The following ELOVL6 variants were observed in gnomAD, a reference collection of about 807,000 sequenced individuals.
ELOVL6 encodes the protein very long chain fatty acid elongase 6.
Under a neutral mutation model 31.7 loss-of-function variants are expected in ELOVL6, and 8 were observed. The ratio of observed to expected loss-of-function variants is 0.25; its 90% CI spans 0.15 to 0.45. The LOEUF (loss-of-function observed/expected upper bound fraction) is 0.45. ELOVL6 is among the 20% of genes least tolerant of loss of function. The pLI is 1.00. For synonymous variants in ELOVL6, 101 were observed against 117.7 expected (o/e 0.86, Z 0.92); for missense variants, 126 against 326.4 (o/e 0.39, Z 4.73).
At chr4:110,084,259 AGCT>A (rs1756092607) in intron 2 of ELOVL6, among the ~76,000 whole-genome samples, 1 of 128,218 alleles carries the variant, frequency 7.8e-6, no homozygotes, top group Non-Finnish European at 1.6e-5. Context: ...TATAACATAT[AGCT>A]TATATGTGAT....
At chr4:110,058,830 C>G (rs1046691291) in intron 3 of ELOVL6, among the ~76,000 whole-genome samples, 2 of 152,132 alleles carry the variant, frequency 1.3e-5, no homozygotes, top group Non-Finnish European at 2.9e-5. Context: ...CAGTTTGTAC[C>G]TGTACAATCT....
intron 1 of ELOVL6, among the ~76,000 whole-genome samples, chr4:110,137,893 T>A (rs79366794): frequency 6.6e-6 from 1 of 152,366 alleles, no homozygotes; most frequent in East Asian, 1.9e-4. Context: ...CTGTATCTCA[T>A]GTAGCACCTA....
intron 2 of ELOVL6, among the ~76,000 whole-genome samples, chr4:110,092,687 C>T (rs28482111): frequency 0.012 from 1,781 of 152,184 alleles, 28 homozygotes; most frequent in African/African-American, 0.036. Context: ...TATTTATGGA[C>T]GTCAGCATCA....
chr4:110,080,980 C>T (rs1755825760), intron 2 of ELOVL6, among the ~76,000 whole-genome samples: 1 of 152,072 alleles, frequency 6.6e-6, no homozygotes, highest in African/African-American at 2.4e-5. Flanking sequence ...CATGAGTGAA[C>T]TCCCATTCAC....
At chr4:110,092,396 G>A (rs1016036650) in intron 2 of ELOVL6, among the ~76,000 whole-genome samples, 7 of 152,148 alleles carry the variant, frequency 4.6e-5, no homozygotes, top group Non-Finnish European at 1.0e-4. Context: ...TTTATATGTA[G>A]GAAAATGATT....
chr4:110,190,806 CT>C (rs201577240), intron 1 of ELOVL6, among the ~76,000 whole-genome samples: 78 of 142,114 alleles, frequency 5.5e-4, no homozygotes, highest in Middle Eastern at 3.9e-3. Context: ...TGCCCGGCCA[CT>C]TTTTTTTTTT....
intron 1 of ELOVL6, among the ~76,000 whole-genome samples, chr4:110,171,191 G>A (rs1008573297): frequency 2.6e-5 from 4 of 152,116 alleles, no homozygotes; most frequent in Non-Finnish European, 4.4e-5. Context: ...GCAGATCACC[G>A]GAGGTCAGTT....
At chr4:110,114,195 A>G (rs1262429933) in intron 1 of ELOVL6, among the ~76,000 whole-genome samples, 4 of 152,242 alleles carry the variant, frequency 2.6e-5, no homozygotes, top group African/African-American at 7.2e-5. Flanking sequence ...TCACCAAGCT[A>G]AACTTTATCT....
At chr4:110,099,292 A>G (rs1490463310) in intron 2 of ELOVL6, among the ~76,000 whole-genome samples, 1 of 151,850 alleles carries the variant, frequency 6.6e-6, no homozygotes, top group Non-Finnish European at 1.5e-5. Flanking sequence ...TGCTATATTT[A>G]AGCACTTTGT....
At chr4:110,140,082 G>A (rs533503603) in intron 1 of ELOVL6, among the ~76,000 whole-genome samples, 1 of 152,146 alleles carries the variant, frequency 6.6e-6, no homozygotes, top group Non-Finnish European at 1.5e-5. Flanking sequence ...TCAGGTTGCC[G>A]CTGGCTTTAC....
intron 1 of ELOVL6, among the ~76,000 whole-genome samples, chr4:110,177,528 T>TGG (rs973526253): frequency 5.9e-5 from 9 of 152,086 alleles, no homozygotes; most frequent in African/African-American, 2.2e-4. Flanking sequence ...CTTGGAGGCT[T>TGG]TGCCTTGACA....
At chr4:110,149,215 C>G (rs1213102378) in intron 1 of ELOVL6, among the ~76,000 whole-genome samples, 1 of 152,136 alleles carries the variant, frequency 6.6e-6, no homozygotes, top group African/African-American at 2.4e-5. Context: ...GTATGGAAAA[C>G]TATGGAGATT....
chr4:110,105,897 C>T (rs1474410232), intron 1 of ELOVL6, among the ~76,000 whole-genome samples: 1 of 152,146 alleles, frequency 6.6e-6, no homozygotes, highest in Non-Finnish European at 1.5e-5. Context: ...GAAATTTCAA[C>T]AACATAGCAT....
chr4:110,196,470 T>C (rs1309606698), intron 1 of ELOVL6, among the ~76,000 whole-genome samples: 1 of 151,926 alleles, frequency 6.6e-6, no homozygotes, highest in African/African-American at 2.4e-5. Context: ...GAGGAGGAAG[T>C]GCATCCAGAG....
rs887923215 is a variant in ELOVL6, at chr4:110,153,784, A to G, written c.89+44463T>C. 2.6e-5 allele frequency among the ~76,000 whole-genome samples: 4 copies of G among 152,350 alleles called. No individual in the cohort carries two copies. In the East Asian group the frequency reaches 7.7e-4, roughly 29 times the overall value. On this transcript the variant is annotated intron_variant, in intron 1 of 3. Coordinates refer to ENST00000302274, the MANE Select transcript of ELOVL6 (RefSeq NM_024090.3). The stretch of plus-strand genomic sequence containing the variant: ...AAACTAACAGATCTTCATTTAAAGT[A>G]GGATCCACAGAGCTCTCCAGTGTCA...
At chr4:110,152,601 T>C (rs1012848597) in intron 1 of ELOVL6, among the ~76,000 whole-genome samples, 6 of 152,176 alleles carry the variant, frequency 3.9e-5, no homozygotes, top group Non-Finnish European at 1.5e-5. Flanking sequence ...ATGAAACACC[T>C]GGGAATCTTG....
chr4:110,091,203 TAG>T (rs1469568822), intron 2 of ELOVL6, among the ~76,000 whole-genome samples: 1 of 152,164 alleles, frequency 6.6e-6, no homozygotes, highest in Non-Finnish European at 1.5e-5. Context: ...ACACCTATTC[TAG>T]AGGTGTCAAT....
intron 2 of ELOVL6, among the ~76,000 whole-genome samples, chr4:110,081,453 TCTGATA>T (rs1384786451): frequency 1.3e-5 from 2 of 152,104 alleles, no homozygotes; most frequent in Non-Finnish European, 2.9e-5. Context: ...TCTACAACCA[TCTGATA>T]TTTGACAAAC....
chr4:110,152,597 C>T (rs1294755338), intron 1 of ELOVL6, among the ~76,000 whole-genome samples: 1 of 152,130 alleles, frequency 6.6e-6, no homozygotes, highest in Non-Finnish European at 1.5e-5. Flanking sequence ...ACATATGAAA[C>T]ACCTGGGAAT....
Sources: allele counts gnomAD v4.1 joint callset (sites outside exome capture counted in the v4.1 genomes callset), GRCh38; gene constraint gnomAD v4.1.1; transcripts MANE v1.5; gene names NCBI Gene and HGNC (gene_info 2026-07-23, HGNC 2026-07-21).